Variants in CEP89 observed in about 807,000 individuals in gnomAD.
CEP89 encodes centrosomal protein 89, also known as centrosomal protein of 89 kDa.
A neutral mutation model predicts 97.6 loss-of-function variants in CEP89; 95 were observed. The observed-to-expected ratio is 0.97, with a 90% CI of 0.82 to 1.15. The LOEUF is 1.15. Among genes scored for constraint, CEP89 ranks in the 50% most tolerant of loss-of-function variants. The probability of loss-of-function intolerance (pLI) is 0.00; values close to 1 mark genes in which losing one functional copy is unlikely to be tolerated. For missense variants in CEP89, 869 were observed against 947.7 expected (o/e 0.92, Z 1.09); for synonymous variants, 354 against 349.1 (o/e 1.01, Z -0.16).
intron 14 of CEP89, among the ~76,000 whole-genome samples, chr19:32,914,582 A>G (rs1970080310): frequency 6.6e-6 from 1 of 152,068 alleles, no homozygotes; most frequent in South Asian, 2.1e-4. Context: ...CAGTTCCACT[A>G]TTTTAAATTG....
intron 3 of CEP89, among the ~76,000 whole-genome samples, chr19:32,955,608 C>A (rs902167992): frequency 9.2e-5 from 14 of 151,814 alleles, no homozygotes; most frequent in African/African-American, 3.4e-4. Flanking sequence ...CCGCTTCCCG[C>A]GTTCAAGTGA....
intron 1 of CEP89, 75 bp downstream of exon 1, chr19:32,971,761 C>T (rs1971417377): frequency 6.7e-7 from 1 of 1,491,794 alleles, no homozygotes; most frequent in African/African-American, 1.4e-5. Flanking sequence ...GGCCAAACCC[C>T]AACCCGCCCC....
chr19:32,967,610 A>C (rs1971312044), intron 1 of CEP89, among the ~76,000 whole-genome samples: 1 of 152,222 alleles, frequency 6.6e-6, no homozygotes, highest in Non-Finnish European at 1.5e-5. Context: ...CAGGGAGGGA[A>C]GATTCCTCCA....
intron 3 of CEP89, among the ~76,000 whole-genome samples, chr19:32,958,020 C>CCCT (rs908224700): frequency 2.0e-5 from 3 of 150,956 alleles, no homozygotes; most frequent in African/African-American, 7.3e-5. Flanking sequence ...AAATCCCCCC[C>CCCT]CCGCCAAAAA....
Position 32,951,536 on chromosome 19 carries a change from C to T in CEP89, c.492+2079G>A, listed in dbSNP as rs530412574. 2.8e-3 allele frequency among the ~76,000 whole-genome samples: 359 copies of T among 127,832 alleles called. 3 individuals carry two copies. Among genetic ancestry groups the T allele is most frequent in the Middle Eastern group, 0.012 (3 of 260 alleles). 83.9% of individuals were successfully genotyped at this position (127,832 alleles called of 152,430 possible). A position where few individuals can be genotyped will look rare whatever the true frequency, so the allele number is the denominator to read the frequency against. On this transcript the variant is annotated intron_variant, in intron 4 of 18. Coordinates refer to ENST00000305768, the MANE Select transcript of CEP89 (RefSeq NM_032816.5). Reference sequence around the variant, plus strand: ...TTATATATATATATATATATATATACACACACACACACACACACACACACA... The same window carrying T: ...TTATATATATATATATATATATATATACACACACACACACACACACACACA...
intron 6 of CEP89, among the ~76,000 whole-genome samples, chr19:32,938,426 TA>T (rs1279827523): frequency 2.0e-5 from 3 of 152,110 alleles, no homozygotes; most frequent in African/African-American, 7.2e-5. Flanking sequence ...AAAGGAACAG[TA>T]AGATATTGCT....
rs569271246 is a variant in CEP89, at chr19:32,879,297, T to C, written c.2217A>G (p.Thr739=). ...TGTCCTGCACGCCTGTCCTCGTGAG[T>C]GTGTCCTGGAGAAGTTCTCGGATTC... ...NRRIRELLQD[T]LTRTGVQDNP... Residue 739 remains threonine, a synonymous_variant, in exon 19 of 19, where the codon ACA becomes ACG. Transcript: ENST00000305768. The C allele has an allele frequency of 1.9e-6, 3 of 1,614,264 alleles. No individual in the cohort carries two copies. The highest frequency in any genetic ancestry group is 8.5e-7 in the Non-Finnish European group (1 of 1,180,048).
At chr19:32,916,995 G>A (rs1970140905) in intron 13 of CEP89, among the ~76,000 whole-genome samples, 2 of 152,088 alleles carry the variant, frequency 1.3e-5, no homozygotes, top group Admixed American at 6.6e-5. Context: ...GCGACAGAGT[G>A]AGACTGTCTC....
chr19:32,966,505 T>A (rs199622933), intron 1 of CEP89, 39 bp from the exon 2 acceptor site: 1 of 1,279,610 alleles, frequency 7.8e-7, no homozygotes, highest in Non-Finnish European at 1.1e-6. Flanking sequence ...CTGGGTTGGG[T>A]CACTGGATCA....
chr19:32,882,120 A>C, intron 17 of CEP89, 107 bp from the exon 18 acceptor site: 3 of 914,820 alleles, frequency 3.3e-6, no homozygotes, highest in East Asian at 2.7e-5. Flanking sequence ...GAGCCTTTAA[A>C]ATCTAGCAAC....
In CEP89 at chr19:32,959,932, C is replaced by A; in HGVS notation, c.273G>T (p.Glu91Asp). ...VSSVEQDSFIEPYATTSQLRP... is the reference protein window; with the variant it reads ...VSSVEQDSFIDPYATTSQLRP... Reference sequence around the variant, plus strand: ...TCAGCTGTGAGGTGGTGGCATAGGGCTCGATGAAGCTGTCCTGTTCAACAC... The same window carrying A: ...TCAGCTGTGAGGTGGTGGCATAGGGATCGATGAAGCTGTCCTGTTCAACAC... The change falls in exon 3 of 19, where the codon GAG (glutamate) becomes GAT (aspartate). Residue 91 changes from glutamate to aspartate, a missense_variant. Transcript: ENST00000305768. 6.2e-7 allele frequency: 1 copy of A among 1,614,208 alleles called. No homozygotes were observed. Among genetic ancestry groups the A allele is most frequent in the African/African-American group, 1.3e-5 (1 of 75,050 alleles).
chr19:32,908,690 C>G (rs1969939740), intron 14 of CEP89, among the ~76,000 whole-genome samples: 1 of 152,190 alleles, frequency 6.6e-6, no homozygotes, highest in Non-Finnish European at 1.5e-5. Context: ...ACAGCCTCCA[C>G]TAGGGAGCCC....
chr19:32,923,935 CTT>C (rs1970304138), intron 11 of CEP89, among the ~76,000 whole-genome samples: 1 of 151,288 alleles, frequency 6.6e-6, no homozygotes, highest in Non-Finnish European at 1.5e-5. Flanking sequence ...AAAAATAAGA[CTT>C]TTCATCCTTA....
chr19:32,933,918 T>C (rs781709079), intron 7 of CEP89, among the ~76,000 whole-genome samples: 1 of 152,100 alleles, frequency 6.6e-6, no homozygotes, highest in African/African-American at 2.4e-5. Context: ...TATTGTGATG[T>C]GGCATGGAAA....
intron 18 of CEP89, 84 bp from the exon 19 acceptor site, chr19:32,879,462 A>G (rs766683835): frequency 8.8e-7 from 1 of 1,135,952 alleles, no homozygotes; most frequent in Non-Finnish European, 1.3e-6. Context: ...AACTCAAAAC[A>G]GAAGAACGCT....
At chr19:32,911,432 G>T (rs1024427095) in intron 14 of CEP89, among the ~76,000 whole-genome samples, 1 of 152,240 alleles carries the variant, frequency 6.6e-6, no homozygotes, top group Non-Finnish European at 1.5e-5. Flanking sequence ...AAGGTGAGTG[G>T]ACTGCTTGAG....
In CEP89 at chr19:32,971,553, A is replaced by G. The variant is rs551918952; in HGVS notation, c.39+283T>C. On this transcript the variant is annotated intron_variant, in intron 1 of 18. Transcript: ENST00000305768. Reference sequence around the variant, plus strand: ...GCGCCTGTAGTCTCAGCTCCTCGGGAGGCTGGGGTGGGAAGATCGCTTGAG... The same window carrying G: ...GCGCCTGTAGTCTCAGCTCCTCGGGGGGCTGGGGTGGGAAGATCGCTTGAG... 6.0e-4 allele frequency: 346 copies of G among 575,050 alleles called. 1 individual carries two copies. The highest frequency in any genetic ancestry group is 3.7e-3 in the Middle Eastern group (8 of 2,174). The allele number at this position is 575,050 out of a possible 1,614,324, so 35.6% of individuals were successfully genotyped here.
At chr19:32,888,915 T>C (rs1969456793) in intron 16 of CEP89, among the ~76,000 whole-genome samples, 1 of 151,954 alleles carries the variant, frequency 6.6e-6, no homozygotes, top group Non-Finnish European at 1.5e-5. Flanking sequence ...GCTCAAGAGA[T>C]TCTCCTGCCT....
In CEP89 at chr19:32,877,775, A is replaced by AT. The variant is rs758490467; in HGVS notation, c.*1386dup. 7.8e-3 allele frequency: 1,144 copies of AT among 147,472 alleles called. 9 individuals are homozygous for AT. Among genetic ancestry groups the AT allele is most frequent in the Middle Eastern group, 0.022 (6 of 278 alleles). The allele number at this position is 147,472 out of a possible 1,614,324, so 9.1% of individuals were successfully genotyped here. A position where few individuals can be genotyped will look rare whatever the true frequency, so the allele number is the denominator to read the frequency against. Reference sequence around the variant, plus strand: ...AGACCCCATCTCTACCAAAAAAAAAATTTTTTTTTTTTGAGACAAAGTCTC... The same window carrying AT: ...AGACCCCATCTCTACCAAAAAAAAAATTTTTTTTTTTTTGAGACAAAGTCTC... On this transcript the variant is annotated 3_prime_UTR_variant, in exon 19 of 19. Coordinates refer to ENST00000305768, the MANE Select transcript of CEP89 (RefSeq NM_032816.5).
Sources: gnomAD v4.1 joint callset for allele counts (sites outside exome capture counted in the v4.1 genomes callset) on GRCh38, gnomAD v4.1.1 for gene constraint, MANE v1.5 for transcripts, NCBI Gene and HGNC (gene_info 2026-07-23, HGNC 2026-07-21) for gene names.